The following GPC5 variants were observed in gnomAD, a reference collection of about 807,000 sequenced individuals.
The protein encoded by GPC5 is glypican 5, also known as glypican-5.
Under a neutral mutation model 53.9 loss-of-function variants are expected in GPC5, and 47 were observed. The ratio of observed to expected loss-of-function variants is 0.87; its 90% CI spans 0.69 to 1.11. GPC5 has a LOEUF of 1.11. Among genes scored for constraint, GPC5 ranks in the 50% most tolerant of loss-of-function variants. The probability of loss-of-function intolerance (pLI) is 0.00; values close to 1 mark genes in which losing one functional copy is unlikely to be tolerated. For missense variants in GPC5, 748 were observed against 713.1 expected (o/e 1.05, Z -0.56); for synonymous variants, 286 against 263.3 (o/e 1.09, Z -0.84).
intron 6 of GPC5, among the ~76,000 whole-genome samples, chr13:92,117,353 TTTCTC>T (rs1250765282): frequency 1.3e-5 from 2 of 152,192 alleles, no homozygotes; most frequent in Admixed American, 1.3e-4. Context: ...TCTTTTATCT[TTTCTC>T]CAGTAACATG....
At chr13:92,671,537 G>A (rs191201533) in intron 7 of GPC5, among the ~76,000 whole-genome samples, 1 of 152,120 alleles carries the variant, frequency 6.6e-6, no homozygotes, top group Admixed American at 6.6e-5. Context: ...CATGGTAGTA[G>A]GTATTTTAAA....
intron 7 of GPC5, among the ~76,000 whole-genome samples, chr13:92,707,075 A>G (rs1027453004): frequency 2.6e-5 from 4 of 152,124 alleles, no homozygotes; most frequent in Non-Finnish European, 4.4e-5. Flanking sequence ...TGGCACCCTA[A>G]TCTTGGATTT....
At chr13:91,567,967 CAGTG>C (rs1466632221) in intron 2 of GPC5, among the ~76,000 whole-genome samples, 1 of 152,092 alleles carries the variant, frequency 6.6e-6, no homozygotes, top group Admixed American at 6.6e-5. Flanking sequence ...GTTCTTGTGA[CAGTG>C]AGTGAGTTCT....
intron 5 of GPC5, among the ~76,000 whole-genome samples, chr13:91,766,117 A>G (rs1188208807): frequency 6.6e-6 from 1 of 152,246 alleles, no homozygotes; most frequent in Admixed American, 6.5e-5. Context: ...TCTCTCATGT[A>G]GACTAGGATA....
chr13:92,151,584 T>G (rs1294071076), intron 7 of GPC5, among the ~76,000 whole-genome samples: 1 of 152,184 alleles, frequency 6.6e-6, no homozygotes. Context: ...CTCTGATTAT[T>G]TTTAGCATGA....
chr13:92,366,063 C>T lies in GPC5; in HGVS notation c.1561+221074C>T, dbSNP rs2043605335. On this transcript the variant is annotated intron_variant, in intron 7 of 7. Coordinates refer to ENST00000377067, the MANE Select transcript of GPC5 (RefSeq NM_004466.6). ...TGGCAGAGCAGTAGGTTTGTCTACA[C>T]CAGCATCACCACAAACACATGAGTA... 1.3e-5 allele frequency among the ~76,000 whole-genome samples: 2 copies of T among 151,554 alleles called. 1 individual carries two copies. The highest frequency in any genetic ancestry group is 4.9e-5 in the African/African-American group (2 of 40,882).
At chr13:91,434,921 T>C (rs926437794) in intron 1 of GPC5, among the ~76,000 whole-genome samples, 1 of 152,208 alleles carries the variant, frequency 6.6e-6, no homozygotes, top group Admixed American at 6.5e-5. Context: ...TAAGTTGGAT[T>C]CCTAGGTATT....
chr13:91,717,825 G>C (rs1169427196), intron 3 of GPC5, among the ~76,000 whole-genome samples: 1 of 151,958 alleles, frequency 6.6e-6, no homozygotes, highest in Non-Finnish European at 1.5e-5. Flanking sequence ...AAAGTGCTGG[G>C]ATTACAGGCG....
chr13:92,094,100 G>C (rs1410187699), intron 6 of GPC5, among the ~76,000 whole-genome samples: 4 of 152,086 alleles, frequency 2.6e-5, no homozygotes, highest in African/African-American at 9.7e-5. Context: ...TGTTTTTAAT[G>C]ATCAATTATT....
intron 7 of GPC5, among the ~76,000 whole-genome samples, chr13:92,352,512 G>T (rs931545226): frequency 4.6e-5 from 7 of 152,074 alleles, no homozygotes; most frequent in African/African-American, 1.7e-4. Context: ...AAATGAATAA[G>T]GAAATGCTAA....
intron 7 of GPC5, among the ~76,000 whole-genome samples, chr13:92,842,653 T>C (rs1878467100): frequency 8.3e-6 from 1 of 121,108 alleles, no homozygotes; most frequent in Admixed American, 8.1e-5. Context: ...GGATACATAA[T>C]TGTTTTTTTT....
chr13:92,282,824 A>G (rs543108178), intron 7 of GPC5, among the ~76,000 whole-genome samples: 3 of 152,342 alleles, frequency 2.0e-5, no homozygotes, highest in African/African-American at 7.2e-5. Context: ...CTAGGAAAAA[A>G]CTACATCAAC....
intron 7 of GPC5, among the ~76,000 whole-genome samples, chr13:92,547,693 G>A (rs1441443027): frequency 6.6e-6 from 1 of 151,814 alleles, no homozygotes; most frequent in African/African-American, 2.4e-5. Flanking sequence ...CTGCCTCCAA[G>A]CAAGAGGGCA....
At chr13:91,530,747 A>G (rs1241857646) in intron 2 of GPC5, among the ~76,000 whole-genome samples, 1 of 152,180 alleles carries the variant, frequency 6.6e-6, no homozygotes, top group Non-Finnish European at 1.5e-5. Flanking sequence ...AGGGAGCGAG[A>G]TATTGGAATA....
chr13:92,290,948 G>A (rs1435256016), intron 7 of GPC5, among the ~76,000 whole-genome samples: 1 of 152,154 alleles, frequency 6.6e-6, no homozygotes, highest in East Asian at 1.9e-4. Context: ...GTGAGTTCTG[G>A]GTGGGCCTGG....
intron 7 of GPC5, among the ~76,000 whole-genome samples, chr13:92,800,319 G>A (rs894588515): frequency 6.6e-6 from 1 of 151,738 alleles, no homozygotes; most frequent in Non-Finnish European, 1.5e-5. Flanking sequence ...TCCCCTTCTC[G>A]AGACTATGAA....
intron 2 of GPC5, among the ~76,000 whole-genome samples, chr13:91,565,389 G>A (rs542609623): frequency 6.6e-6 from 1 of 152,318 alleles, no homozygotes; most frequent in African/African-American, 2.4e-5. Context: ...GCAATGCACA[G>A]TTGTTAGAGA....
At chr13:92,014,941 C>G in intron 6 of GPC5, among the ~76,000 whole-genome samples, 1 of 151,976 alleles carries the variant, frequency 6.6e-6, no homozygotes, top group Non-Finnish European at 1.5e-5. Flanking sequence ...GTTTGGGTGG[C>G]TGATTTGAGT....
At chr13:92,174,487 A>T (rs186886423) in intron 7 of GPC5, among the ~76,000 whole-genome samples, 1 of 151,850 alleles carries the variant, frequency 6.6e-6, no homozygotes, top group Non-Finnish European at 1.5e-5. Flanking sequence ...GTGCGCAGAG[A>T]TCGCACCACT....
Sources: allele counts gnomAD v4.1 joint callset (sites outside exome capture counted in the v4.1 genomes callset), GRCh38; gene constraint gnomAD v4.1.1; transcripts MANE v1.5; gene names NCBI Gene and HGNC (gene_info 2026-07-23, HGNC 2026-07-21).